PHF24: variants seen among roughly 807,000 people sequenced by gnomAD.
PHF24 encodes PHD finger protein 24.
PHF24 carries 25 observed loss-of-function variants against 42.6 expected under a neutral mutation model. The ratio of observed to expected loss-of-function variants is 0.59; its 90% CI spans 0.43 to 0.82. PHF24 has a LOEUF of 0.82. PHF24 is among the 40% of genes least tolerant of loss of function. PHF24 has a pLI of 0.00. For synonymous variants in PHF24, 185 were observed against 204.8 expected (o/e 0.90, Z 0.83); for missense variants, 470 against 538.1 (o/e 0.87, Z 1.25).
the PHF24 span, among the ~76,000 whole-genome samples, chr9:34,875,940 A>ACT: frequency 2.9e-4 from 26 of 89,332 alleles, no homozygotes; most frequent in African/African-American, 1.2e-3. Context: ...ACACACACAC[A>ACT]CACACACACA....
the PHF24 span, among the ~76,000 whole-genome samples, chr9:34,666,815 A>T: frequency 6.6e-6 from 1 of 152,064 alleles, no homozygotes; most frequent in African/African-American, 2.4e-5. Flanking sequence ...GCGTGGTGGC[A>T]GGCGCCTGTA....
At chr9:34,883,114 A>G in the PHF24 span, among the ~76,000 whole-genome samples, 1 of 152,232 alleles carries the variant, frequency 6.6e-6, no homozygotes, top group Non-Finnish European at 1.5e-5. Context: ...GCAATGGGGA[A>G]AGGATTCCCT....
At chr9:34,691,513 A>G in the PHF24 span, among the ~76,000 whole-genome samples, 1 of 152,202 alleles carries the variant, frequency 6.6e-6, no homozygotes, top group Admixed American at 6.5e-5. Flanking sequence ...GTTTCTCCAG[A>G]GAGAGGGATT....
At chr9:34,940,839 G>A in the PHF24 span, among the ~76,000 whole-genome samples, 1 of 152,214 alleles carries the variant, frequency 6.6e-6, no homozygotes, top group East Asian at 1.9e-4. Flanking sequence ...TGTAAAAGCA[G>A]CCTTTCCTCC....
At chr9:34,751,899 A>T in the PHF24 span, among the ~76,000 whole-genome samples, 1 of 152,186 alleles carries the variant, frequency 6.6e-6, no homozygotes, top group Non-Finnish European at 1.5e-5. Flanking sequence ...ACAAGAGAAA[A>T]TTTGGAAATT....
the PHF24 span, among the ~76,000 whole-genome samples, chr9:34,687,479 A>G: frequency 2.0e-5 from 3 of 152,166 alleles, no homozygotes; most frequent in South Asian, 6.2e-4. Context: ...TGGAAAAGGA[A>G]CTTGCCCAGA....
chr9:34,724,049 T>C, the PHF24 span: 1 of 1,519,704 alleles, frequency 6.6e-7, no homozygotes, highest in South Asian at 1.2e-5. Context: ...AAACCCCGCA[T>C]CCCCTTCTCT....
chr9:34,673,334 A>G, the PHF24 span, among the ~76,000 whole-genome samples: 1 of 124,118 alleles, frequency 8.1e-6, no homozygotes, highest in Non-Finnish European at 1.7e-5. Context: ...GGTCCGGGCT[A>G]CAGAGCGAGA....
the PHF24 span, among the ~76,000 whole-genome samples, chr9:34,721,695 GC>G: frequency 4.6e-5 from 7 of 152,150 alleles, no homozygotes; most frequent in Non-Finnish European, 2.9e-5. Context: ...ACAGGTGTGA[GC>G]CACTGTGCCC....
the PHF24 span, among the ~76,000 whole-genome samples, chr9:34,757,170 T>C: frequency 6.6e-6 from 1 of 152,316 alleles, no homozygotes; most frequent in African/African-American, 2.4e-5. Context: ...CCCAAAGTGC[T>C]GGGATTACAG....
chr9:34,805,887 G>A, the PHF24 span, among the ~76,000 whole-genome samples: 1 of 152,280 alleles, frequency 6.6e-6, no homozygotes, highest in East Asian at 1.9e-4. Context: ...ATGGTGTGAG[G>A]TAAGGGTCCA....
chr9:34,738,795 G>T, the PHF24 span, among the ~76,000 whole-genome samples: 1 of 152,320 alleles, frequency 6.6e-6, no homozygotes, highest in East Asian at 1.9e-4. Context: ...CCCAGCTTAT[G>T]CTCCCTTGCT....
At chr9:34,807,025 T>G in the PHF24 span, among the ~76,000 whole-genome samples, 4 of 152,208 alleles carry the variant, frequency 2.6e-5, no homozygotes, top group Non-Finnish European at 4.4e-5. Flanking sequence ...CATTTGGATG[T>G]TTTTTACTTG....
the PHF24 span, among the ~76,000 whole-genome samples, chr9:34,849,114 G>A: frequency 3.5e-3 from 535 of 152,210 alleles, 4 homozygotes; most frequent in Non-Finnish European, 6.7e-3. Context: ...ATGTCTATTA[G>A]GTCCGCTTGG....
At chr9:34,853,567 G>C in the PHF24 span, among the ~76,000 whole-genome samples, 1 of 151,388 alleles carries the variant, frequency 6.6e-6, no homozygotes, top group African/African-American at 2.4e-5. Flanking sequence ...GGTGGCTCAC[G>C]CCTGTAATCC....
exon 6 of PHF24, chr9:34,977,162 C>A: frequency 6.2e-7 from 1 of 1,613,912 alleles, no homozygotes; most frequent in East Asian, 2.2e-5. Flanking sequence ...AGTGGGAGCA[C>A]CGTCAGTGAG....
chr9:34,800,411 C>G, the PHF24 span, among the ~76,000 whole-genome samples: 2 of 152,160 alleles, frequency 1.3e-5, no homozygotes, highest in Admixed American at 6.5e-5. Context: ...CACCTGACTT[C>G]AAATTATACC....
the PHF24 span, among the ~76,000 whole-genome samples, chr9:34,764,535 G>A: frequency 2.0e-5 from 3 of 151,780 alleles, no homozygotes; most frequent in African/African-American, 4.8e-5. Flanking sequence ...CTGTGGGATC[G>A]GTGGTGATAT....
the PHF24 span, among the ~76,000 whole-genome samples, chr9:34,668,039 GGAGGTA>G: frequency 6.6e-6 from 1 of 152,200 alleles, no homozygotes; most frequent in Non-Finnish European, 1.5e-5. Flanking sequence ...TCCCTGAAGA[GGAGGTA>G]GCAGAAGGCA....
Sources: gnomAD v4.1 joint callset for allele counts (sites outside exome capture counted in the v4.1 genomes callset) on GRCh38, gnomAD v4.1.1 for gene constraint, MANE v1.5 for transcripts, NCBI Gene and HGNC (gene_info 2026-07-23, HGNC 2026-07-21) for gene names.